Variants in SERINC2 observed in about 807,000 individuals in gnomAD.
The protein encoded by SERINC2 is tumor differentially expressed protein 2.
SERINC2 carries 56 observed loss-of-function variants against 54.2 expected under a neutral mutation model. The ratio of observed to expected loss-of-function variants is 1.03; its 90% CI spans 0.83 to 1.29. The LOEUF is 1.29. Among genes scored for constraint, SERINC2 ranks in the 50% most tolerant of loss-of-function variants. The probability of loss-of-function intolerance (pLI) is 0.00; values close to 1 mark genes in which losing one functional copy is unlikely to be tolerated. For missense variants in SERINC2, 614 were observed against 607.4 expected (o/e 1.01, Z -0.12); for synonymous variants, 272 against 253.1 (o/e 1.07, Z -0.71).
chr1:31,432,082 GTT>G lies in SERINC2; in HGVS notation c.1014-884_1014-883del, dbSNP rs1557501053. ...CAGGGTGGACAGGGTGGACAGGGTG[GTT>G]AGGGTGGACAGGGTGGACAGGGTGG... is the stretch of plus-strand genomic sequence containing the variant. On this transcript the variant is annotated intron_variant, in intron 8 of 9. Transcript: ENST00000373709. 1.2e-3 allele frequency among the ~76,000 whole-genome samples: 142 copies of G among 119,750 alleles called. 7 individuals are homozygous for G. Among genetic ancestry groups the G allele is most frequent in the South Asian group, 2.0e-3 (7 of 3,442 alleles). The allele number at this position is 119,750 out of a possible 152,430, so 78.6% of individuals were successfully genotyped here.
At position 31,434,327 on chromosome 1, in the gene SERINC2, A is replaced by C; in HGVS notation, c.*128A>C. Reference sequence around the variant, plus strand: ...CCCCCACCCCTGCCCCAGCTCCAGGACCTGCCCCTGAGCCGGGCCTTCTAG... The same window carrying C: ...CCCCCACCCCTGCCCCAGCTCCAGGCCCTGCCCCTGAGCCGGGCCTTCTAG... On this transcript the variant is annotated 3_prime_UTR_variant, in exon 10 of 10. Transcript: ENST00000373709. The C allele has an allele frequency of 1.0e-6, 1 of 983,298 alleles. No homozygotes were observed. The allele number at this position is 983,298 out of a possible 1,614,324, so 60.9% of individuals were successfully genotyped here.
At chr1:31,434,033 C>T (rs1553135291) in intron 9 of SERINC2, 31 bp from the exon 10 acceptor site, 1 of 1,609,236 alleles carries the variant, frequency 6.2e-7, no homozygotes, top group South Asian at 1.1e-5. Flanking sequence ...AGACTGGGCA[C>T]CAGGCTCATG....
Position 31,425,852 on chromosome 1 carries a change from C to G in SERINC2, c.549C>G (p.His183Gln), listed in dbSNP as rs1553133519. Residue 183 changes from histidine (H) to glutamine (Q), a missense_variant, in exon 5 of 10, where the codon CAC (histidine) becomes CAG (glutamine). Coordinates refer to ENST00000373709, the MANE Select transcript of SERINC2 (RefSeq NM_178865.5). ...IQLVLLIDFA[H>Q]SWNQRWLGKA... ...TGGTGCTGCTCATCGACTTTGCGCACTCCTGGAACCAGCGGTGGCTGGGCA... is the reference window on the plus strand; with the variant it reads ...TGGTGCTGCTCATCGACTTTGCGCAGTCCTGGAACCAGCGGTGGCTGGGCA... 1 of 1,613,716 alleles carries G rather than the reference C, an allele frequency of 6.2e-7. No individual in the cohort carries two copies. The highest frequency in any genetic ancestry group is 2.2e-5 in the East Asian group (1 of 44,886).
intron 5 of SERINC2, chr1:31,426,144 G>T: frequency 1.9e-6 from 1 of 519,546 alleles, no homozygotes; most frequent in Non-Finnish European, 3.4e-6. Flanking sequence ...GAGGGGTCTT[G>T]TTTGGGGGTT....
chr1:31,414,187 T>A (rs1166427165), intron 1 of SERINC2: 1 of 1,370,814 alleles, frequency 7.3e-7, no homozygotes, highest in African/African-American at 1.5e-5. Context: ...GGCCAACCTC[T>A]GTTCTGTAGC....
chr1:31,426,539 G>A, intron 5 of SERINC2, 115 bp from the exon 6 acceptor site: 2 of 789,250 alleles, frequency 2.5e-6, no homozygotes, highest in Non-Finnish European at 4.0e-6. Context: ...CTTCAAGTGG[G>A]GAAACTGAGA....
intron 8 of SERINC2, among the ~76,000 whole-genome samples, chr1:31,432,183 TAGGGTGGTTAGAGTGGAGAGAGTGGAC>T (rs1641309816): frequency 4.9e-5 from 3 of 61,588 alleles, no homozygotes; most frequent in Admixed American, 3.4e-4. Flanking sequence ...ATAGGGTGGA[TAGGGTGGTTAGAGTGGAGAGAGTGGAC>T]AGGGTGGAGA....
rs1641423415 is a variant in SERINC2, at chr1:31,434,659, ACAAG to A, written c.*462_*465del. The A allele has an allele frequency of 5.6e-6, 1 of 177,824 alleles. No homozygotes were observed. The highest frequency in any genetic ancestry group is 1.2e-5 in the Non-Finnish European group (1 of 82,754). 11.0% of individuals were successfully genotyped at this position (177,824 alleles called of 1,614,324 possible). On this transcript the variant is annotated 3_prime_UTR_variant, in exon 10 of 10. Coordinates refer to ENST00000373709, the MANE Select transcript of SERINC2 (RefSeq NM_178865.5). The stretch of plus-strand genomic sequence containing the variant: ...GAGTCTCTAAGACTTTTTCTAATAA[ACAAG>A]CCAGTGCGTGTACCATGTTCTGTGC...
intron 6 of SERINC2, 21 bp downstream of exon 6, chr1:31,426,844 CT>C (rs781901103): frequency 2.1e-5 from 33 of 1,608,098 alleles, no homozygotes; most frequent in East Asian, 6.7e-5. Flanking sequence ...CTGACCCCCC[CT>C]GGCCTGAAGC....
At chr1:31,427,990 G>A (rs1201745857) in intron 6 of SERINC2, among the ~76,000 whole-genome samples, 2 of 151,670 alleles carry the variant, frequency 1.3e-5, no homozygotes, top group African/African-American at 2.4e-5. Flanking sequence ...GCCTCCCAAA[G>A]TGCTGGGATT....
At chr1:31,432,503 A>G (rs1461586344) in intron 8 of SERINC2, among the ~76,000 whole-genome samples, 2 of 152,120 alleles carry the variant, frequency 1.3e-5, no homozygotes, top group African/African-American at 4.8e-5. Flanking sequence ...GAAACTTAAA[A>G]TCAATGGCAA....
rs12042883 is a variant in SERINC2 at position 31,413,316 on chromosome 1, C to T, written c.39+12C>T. The T allele has an allele frequency of 0.25, 320,079 of 1,258,216 alleles. 43,245 individuals are homozygous for T. The highest frequency in any genetic ancestry group is 0.48 in the East Asian group (15,089 of 31,278). The allele number at this position is 1,258,216 out of a possible 1,614,324, so 77.9% of individuals were successfully genotyped here. A position where few individuals can be genotyped will look rare whatever the true frequency, so the allele number is the denominator to read the frequency against. ...CCCTGCTCAGCTGCGTGAGTCCCGA[C>T]CCCGGCGCCCGCCCGCGCGCGCCGC... On this transcript the variant is annotated intron_variant, in intron 1 of 9. Coordinates refer to ENST00000373709, the MANE Select transcript of SERINC2 (RefSeq NM_178865.5). This position sits in a 1 kb window ranked among gnomAD's most constrained non-coding sequence, Gnocchi z 5.0.
chr1:31,433,915 CG>C, intron 9 of SERINC2, 148 bp from the exon 10 acceptor site: 1 of 771,298 alleles, frequency 1.3e-6, no homozygotes, highest in South Asian at 1.7e-5. Context: ...GTCACAAGGC[CG>C]GGTGTTAAAA....
intron 9 of SERINC2, 108 bp downstream of exon 9, chr1:31,433,293 G>A (rs1291896734): frequency 2.1e-6 from 2 of 934,646 alleles, no homozygotes; most frequent in Non-Finnish European, 3.3e-6. Context: ...TTAAGGCTTG[G>A]GGGTGGCGGT....
intron 6 of SERINC2, 32 bp from the exon 7 acceptor site, chr1:31,428,946 G>A (rs1557497032): frequency 3.1e-6 from 5 of 1,594,372 alleles, no homozygotes; most frequent in Non-Finnish European, 4.3e-6. Flanking sequence ...TCTCTGGTCT[G>A]GCAGGGGTCT....
intron 1 of SERINC2, among the ~76,000 whole-genome samples, chr1:31,418,157 C>T (rs954933473): frequency 9.9e-5 from 15 of 152,114 alleles, no homozygotes; most frequent in Non-Finnish European, 2.2e-4. Flanking sequence ...CCGCACCTGG[C>T]CTCATTCCTT....
Position 31,424,797 on chromosome 1 carries a change from G to T in SERINC2, c.316G>T (p.Ala106Ser). Reference protein sequence around the residue: ...AVYRMCFATAAFFFFFTLLML... With the variant: ...AVYRMCFATASFFFFFTLLML... Reference sequence around the variant, plus strand: ...CTACCGCATGTGCTTCGCCACGGCGGCCTTCTTCTTCTTTTTCACCCTGCT... The same window carrying T: ...CTACCGCATGTGCTTCGCCACGGCGTCCTTCTTCTTCTTTTTCACCCTGCT... Residue 106 changes from alanine (A) to serine (S), a missense_variant, in exon 3 of 10, where the codon GCC becomes TCC. Ala to Ser is a moderately conservative substitution (Grantham distance 99). Coordinates refer to ENST00000373709, the MANE Select transcript of SERINC2 (RefSeq NM_178865.5). 1 of 1,612,126 alleles carries T rather than the reference G, an allele frequency of 6.2e-7. No individual in the cohort carries two copies. The highest frequency in any genetic ancestry group is 8.5e-7 in the Non-Finnish European group (1 of 1,179,490).
At position 31,413,485 on chromosome 1, in the gene SERINC2, C is replaced by T. The variant is rs1553131777; in HGVS notation, c.39+181C>T. On this transcript the variant is annotated intron_variant, in intron 1 of 9. Transcript: ENST00000373709. This position sits in a 1 kb window ranked among gnomAD's most constrained non-coding sequence, Gnocchi z 5.0. ...CACTCGGCACCCGGATCCCGCTGCC[C>T]CCGTCCCCCTGCTCAGTCCTGGCCG... Among the ~76,000 whole-genome samples, 1 of 152,084 alleles carries T rather than the reference C, an allele frequency of 6.6e-6. No individual in the cohort carries two copies. The highest frequency in any genetic ancestry group is 1.9e-4 in the East Asian group (1 of 5,168).
rs200426009 is a variant in SERINC2, at chr1:31,431,769, GAGGGTGAAT to G, written c.1014-1191_1014-1183del. 7.4e-3 allele frequency among the ~76,000 whole-genome samples: 211 copies of G among 28,366 alleles called. 19 individuals are homozygous for G. Among genetic ancestry groups the G allele is most frequent in the Middle Eastern group, 0.037 (3 of 80 alleles). 18.6% of individuals were successfully genotyped at this position (28,366 alleles called of 152,430 possible). ...TGGTAGATAGGGTGGAGAGGGTGGA[GAGGGTGAAT>G]AGGGTGGATAGGGTGGATAGGGTGG... is the stretch of plus-strand genomic sequence containing the variant. On this transcript the variant is annotated intron_variant, in intron 8 of 9. Coordinates refer to ENST00000373709, the MANE Select transcript of SERINC2 (RefSeq NM_178865.5).
Sources: gnomAD v4.1 joint callset for allele counts (sites outside exome capture counted in the v4.1 genomes callset) on GRCh38, gnomAD v4.1.1 for gene constraint, Gnocchi (gnomAD v3.1) non-coding constraint, MANE v1.5 for transcripts, NCBI Gene and HGNC (gene_info 2026-07-23, HGNC 2026-07-21) for gene names.